C1GALT1: variants seen among roughly 807,000 people sequenced by gnomAD.
C1GALT1 encodes glycoprotein-N-acetylgalactosamine 3-beta-galactosyltransferase 1.
A neutral mutation model predicts 31.0 loss-of-function variants in C1GALT1; 11 were observed. The observed-to-expected ratio is 0.36, with a 90% CI of 0.22 to 0.59. C1GALT1 has a LOEUF of 0.59. Ranked by LOEUF, C1GALT1 falls within the 20% of genes least tolerant of loss-of-function variation. The pLI, the probability that C1GALT1 is intolerant of heterozygous loss-of-function variation, is 0.79. For synonymous variants in C1GALT1, 175 were observed against 143.6 expected (o/e 1.22, Z -1.56); for missense variants, 424 against 425.2 (o/e 1.00, Z 0.03).
chr7:7,159,618 C>T (rs1780312637), intron 2 of C1GALT1, among the ~76,000 whole-genome samples: 2 of 152,050 alleles, frequency 1.3e-5, no homozygotes, highest in African/African-American at 2.4e-5. Flanking sequence ...CTCTTACAGA[C>T]TAAATGAAGG....
At chr7:7,210,735 C>G (rs79159678) in intron 1 of C1GALT1, among the ~76,000 whole-genome samples, 6,239 of 152,126 alleles carry the variant, frequency 0.041, 284 homozygotes, top group African/African-American at 0.12. Flanking sequence ...CTACGCTCGT[C>G]GGGATTCCAG....
In C1GALT1 at chr7:7,238,365, T is replaced by C; in HGVS notation, c.331T>C (p.Trp111Arg). 6.2e-7 allele frequency: 1 copy of C among 1,614,114 alleles called. No homozygotes were observed. The highest frequency in any genetic ancestry group is 8.5e-7 in the Non-Finnish European group (1 of 1,180,010). ...AAAGGCCAAACACGTCAAAGCTACT[T>C]GGGCCCAGCGTTGTAACAAAGTGTT... ...EKKAKHVKAT[W>R]AQRCNKVLFM... The change falls in exon 3 of 4, where the codon TGG becomes CGG. Residue 111 changes from tryptophan to arginine, a missense_variant. By Grantham distance (101) the Trp-to-Arg change is moderately radical. This residue lies in a region of C1GALT1 where 189 missense variants were observed against 158.2 expected (regional missense o/e 1.19). Transcript: ENST00000436587. The surrounding 1 kb of genome is among the most constrained non-coding windows in gnomAD (Gnocchi z 5.2).
At position 7,243,354 on chromosome 7, in the gene C1GALT1, G is replaced by A. The variant is rs1311747603; in HGVS notation, c.889-170G>A. On this transcript the variant is annotated intron_variant, in intron 3 of 3. Transcript: ENST00000436587. ...GGTTTTAAATCATTAGGATGTCTAA[G>A]TAAACTATTGATTTCTTCCACAGGT... is the stretch of plus-strand genomic sequence containing the variant. Among the ~76,000 whole-genome samples the A allele has an allele frequency of 2.0e-5, 3 of 152,110 alleles. No individual in the cohort carries two copies. In the East Asian group the frequency reaches 5.8e-4, roughly 29 times the overall value.
chr7:7,202,787 G>A (rs748094201), intron 1 of C1GALT1, among the ~76,000 whole-genome samples: 1 of 152,148 alleles, frequency 6.6e-6, no homozygotes, highest in South Asian at 2.1e-4. Flanking sequence ...AGTAGGAACT[G>A]CATTGAATCT....
intron 3 of C1GALT1, among the ~76,000 whole-genome samples, chr7:7,240,398 T>G (rs1783571224): frequency 6.6e-6 from 1 of 152,210 alleles, no homozygotes; most frequent in Non-Finnish European, 1.5e-5. Context: ...AAGGAAACTT[T>G]TGATAGTCTG....
At position 7,247,456 on chromosome 7, in the gene C1GALT1, G is replaced by T. The variant is rs1470320976; in HGVS notation, c.*3729G>T. The T allele has an allele frequency of 6.6e-6, 1 of 152,050 alleles. No homozygotes were observed. The highest frequency in any genetic ancestry group is 1.5e-5 in the Non-Finnish European group (1 of 67,976). 9.4% of individuals were successfully genotyped at this position (152,050 alleles called of 1,614,324 possible). A position where few individuals can be genotyped will look rare whatever the true frequency, so the allele number is the denominator to read the frequency against. ...GAGGGCTTTTTCTTACTGTAATGAG[G>T]TATGAAAATAAATCATTGATCAGCT... On this transcript the variant is annotated 3_prime_UTR_variant, in exon 4 of 4. Coordinates refer to ENST00000436587, the MANE Select transcript of C1GALT1 (RefSeq NM_020156.5).
chr7:7,159,539 C>T (rs1047917504), intron 2 of C1GALT1, among the ~76,000 whole-genome samples: 1 of 152,082 alleles, frequency 6.6e-6, no homozygotes, highest in Non-Finnish European at 1.5e-5. Flanking sequence ...TGTTTCCTTC[C>T]TTCTTGTCCC....
At chr7:7,211,465 G>A (rs1270709688) in intron 1 of C1GALT1, among the ~76,000 whole-genome samples, 2 of 152,142 alleles carry the variant, frequency 1.3e-5, no homozygotes, top group African/African-American at 4.8e-5. Flanking sequence ...TTCCTTGTCA[G>A]TAACTATTAT....
At chr7:7,207,287 T>C (rs1198233095) in intron 1 of C1GALT1, among the ~76,000 whole-genome samples, 4 of 151,156 alleles carry the variant, frequency 2.6e-5, no homozygotes, top group Admixed American at 6.6e-5. Flanking sequence ...AGAATTTTTG[T>C]GTGTATCCTT....
At position 7,243,702 on chromosome 7, in the gene C1GALT1, C is replaced by G. The variant is rs532562658; in HGVS notation, c.1067C>G (p.Thr356Arg). ...EISQANKNED[T>R]KVKLGNP ...AGTCAAGCAAACAAAAATGAAGATA[C>G]AAAAGTGAAGTTAGGAAATCCTTGA... is the stretch of plus-strand genomic sequence containing the variant. Residue 356 changes from threonine to arginine, a missense_variant, in exon 4 of 4, where the codon ACA (threonine) becomes AGA (arginine). Around this residue, in one of 3 missense-constraint regions of C1GALT1, gnomAD observed 191 missense variants for 188.8 expected, o/e 1.01. Coordinates refer to ENST00000436587, the MANE Select transcript of C1GALT1 (RefSeq NM_020156.5). The G allele has an allele frequency of 6.2e-7, 1 of 1,606,124 alleles. No individual in the cohort carries two copies. Among genetic ancestry groups the G allele is most frequent in the Non-Finnish European group, 8.5e-7 (1 of 1,177,344 alleles).
chr7:7,186,401 T>G (rs1007098813), intron 1 of C1GALT1, among the ~76,000 whole-genome samples: 9 of 152,204 alleles, frequency 5.9e-5, no homozygotes, highest in African/African-American at 2.2e-4. Flanking sequence ...GCTTACATTC[T>G]GAAACACGGG....
chr7:7,193,468 G>C (rs569746082), intron 1 of C1GALT1, among the ~76,000 whole-genome samples: 1 of 152,144 alleles, frequency 6.6e-6, no homozygotes, highest in East Asian at 1.9e-4. Flanking sequence ...TGGCTGTTAA[G>C]TATTTGGCTT....
intron 1 of C1GALT1, among the ~76,000 whole-genome samples, chr7:7,199,263 C>T (rs56382733): frequency 0.024 from 3,709 of 152,264 alleles, 150 homozygotes; most frequent in African/African-American, 0.083. Context: ...TTTCAAAGAA[C>T]ATCTTTTATT....
chr7:7,183,723 C>A (rs2128228988), intron 1 of C1GALT1: 1 of 415,902 alleles, frequency 2.4e-6, no homozygotes, highest in Non-Finnish European at 3.1e-6. Flanking sequence ...CAACAAAAAA[C>A]CCACACATCC....
At chr7:7,216,005 T>C (rs969943758) in intron 1 of C1GALT1, among the ~76,000 whole-genome samples, 3 of 152,006 alleles carry the variant, frequency 2.0e-5, no homozygotes, top group Non-Finnish European at 4.4e-5. Flanking sequence ...TTTGGGGAAC[T>C]ATTTTCCCTG....
intron 1 of C1GALT1, among the ~76,000 whole-genome samples, chr7:7,221,698 T>TGGA (rs1782517240): frequency 6.6e-6 from 1 of 152,222 alleles, no homozygotes; most frequent in Non-Finnish European, 1.5e-5. Flanking sequence ...CAAAGTGGTT[T>TGGA]TTAACTTTCT....
At chr7:7,174,157 C>A (rs899121726) in intron 2 of C1GALT1, among the ~76,000 whole-genome samples, 1 of 151,976 alleles carries the variant, frequency 6.6e-6, no homozygotes, top group African/African-American at 2.4e-5. Context: ...GAACACTAAT[C>A]TTACCAGATC....
In C1GALT1 at chr7:7,234,352, C is replaced by T. The variant is rs1170235113; in HGVS notation, c.33C>T (p.Thr11=). ...CTAAATCCTGGCTGAATTTTTTAAC[C>T]TTCCTCTGTGGATCAGCAATAGGAT... is the stretch of plus-strand genomic sequence containing the variant. MASKSWLNFL[T]FLCGSAIGFL... is the part of the protein sequence containing the mutation. The change falls in exon 2 of 4, where the codon ACC becomes ACT. Residue 11 remains threonine, a synonymous_variant. Transcript: ENST00000436587. 2 of 1,613,708 alleles carry T rather than the reference C, an allele frequency of 1.2e-6. No individual in the cohort carries two copies. Among genetic ancestry groups the T allele is most frequent in the Admixed American group, 1.7e-5 (1 of 59,970 alleles).
intron 1 of C1GALT1, among the ~76,000 whole-genome samples, chr7:7,202,484 C>G (rs751051241): frequency 6.6e-6 from 1 of 152,156 alleles, no homozygotes; most frequent in Non-Finnish European, 1.5e-5. Flanking sequence ...AAAACCTGTC[C>G]TTTTCCCATT....
Sources: gnomAD v4.1 joint callset for allele counts (sites outside exome capture counted in the v4.1 genomes callset) on GRCh38, gnomAD v4.1.1 for gene constraint, gnomAD v4.1.1 regional missense constraint, Gnocchi (gnomAD v3.1) non-coding constraint, MANE v1.5 for transcripts, NCBI Gene and HGNC (gene_info 2026-07-23, HGNC 2026-07-21) for gene names.